ANXA8: variants seen among roughly 807,000 people sequenced by gnomAD.
The protein encoded by ANXA8 is annexin A8, also known as VAC-beta.
In ANXA8, 9 loss-of-function variants were observed where a neutral mutation model predicts 26.8. The ratio of observed to expected loss-of-function variants is 0.34; its 90% CI spans 0.20 to 0.59. The LOEUF is 0.59. ANXA8 is among the 20% of genes least tolerant of loss of function. ANXA8 has a pLI of 0.84. For missense variants in ANXA8, 83 were observed against 238.5 expected (o/e 0.35, Z 4.29); for synonymous variants, 39 against 94.8 (o/e 0.41, Z 3.42).
chr10:47,894,761 A>G, the ANXA8 span, among the ~76,000 whole-genome samples: 1 of 152,204 alleles, frequency 6.6e-6, no homozygotes, highest in Non-Finnish European at 1.5e-5. Flanking sequence ...AACACACCAC[A>G]TATACACACC....
chr10:47,511,030 G>A, the ANXA8 span, among the ~76,000 whole-genome samples: 3 of 126,384 alleles, frequency 2.4e-5, no homozygotes, highest in African/African-American at 6.3e-5. Context: ...TGCAAGCTCC[G>A]CCTCCCGGGT....
chr10:47,609,096 A>G, the ANXA8 span, among the ~76,000 whole-genome samples: 1 of 129,770 alleles, frequency 7.7e-6, no homozygotes, highest in Non-Finnish European at 1.6e-5. Context: ...GTAGGAAAAA[A>G]TGTAAAATGA....
At chr10:47,535,060 C>T in the ANXA8 span, among the ~76,000 whole-genome samples, 1 of 115,620 alleles carries the variant, frequency 8.6e-6, no homozygotes, top group Admixed American at 8.6e-5. Context: ...CTGCAGCCTC[C>T]GCCTCCCAGG....
chr10:47,733,150 T>A, the ANXA8 span, among the ~76,000 whole-genome samples: 7 of 67,580 alleles, frequency 1.0e-4, no homozygotes, highest in African/African-American at 3.7e-4. Flanking sequence ...CTAATCTTTC[T>A]TTCTTTCTTT....
At chr10:47,498,865 GC>G in the ANXA8 span, among the ~76,000 whole-genome samples, 1 of 110,776 alleles carries the variant, frequency 9.0e-6, no homozygotes, top group African/African-American at 4.5e-5. Context: ...TCTTTGGGAG[GC>G]CAAGGTGGGC....
At chr10:47,584,039 G>A in the ANXA8 span, among the ~76,000 whole-genome samples, 1 of 140,688 alleles carries the variant, frequency 7.1e-6, no homozygotes, top group Non-Finnish European at 1.5e-5. Flanking sequence ...AATTAGCCGA[G>A]TGTGGTGGCC....
At chr10:47,559,654 C>T in the ANXA8 span, among the ~76,000 whole-genome samples, 1 of 151,836 alleles carries the variant, frequency 6.6e-6, no homozygotes, top group African/African-American at 2.4e-5. Context: ...TTCAGATTAA[C>T]AGTTTAGGTA....
chr10:47,504,887 A>T, the ANXA8 span, among the ~76,000 whole-genome samples: 4 of 88,068 alleles, frequency 4.5e-5, no homozygotes, highest in Admixed American at 3.4e-4. Context: ...ACCAAGTTTT[A>T]CTCTTGTTGC....
the ANXA8 span, among the ~76,000 whole-genome samples, chr10:47,695,778 T>C: frequency 1.3e-5 from 2 of 151,936 alleles, no homozygotes; most frequent in African/African-American, 4.8e-5. Flanking sequence ...CTCACACGTT[T>C]TGCTCTACCT....
the ANXA8 span, among the ~76,000 whole-genome samples, chr10:47,670,818 C>CT: frequency 8.6e-5 from 13 of 150,800 alleles, no homozygotes; most frequent in African/African-American, 3.2e-4. Flanking sequence ...ATGTTTTTTA[C>CT]TTTTTTATTT....
At chr10:47,687,944 A>T in the ANXA8 span, among the ~76,000 whole-genome samples, 2 of 151,786 alleles carry the variant, frequency 1.3e-5, 1 homozygote, top group Non-Finnish European at 2.9e-5. Context: ...TACTAAAAAA[A>T]CTAAAATTAG....
At chr10:47,750,704 C>T in the ANXA8 span, among the ~76,000 whole-genome samples, 92 of 128,184 alleles carry the variant, frequency 7.2e-4, no homozygotes, top group African/African-American at 2.3e-3. Context: ...TTCCAAAGTG[C>T]GGGGATAATA....
chr10:47,598,272 TA>T, the ANXA8 span, among the ~76,000 whole-genome samples: 1 of 129,886 alleles, frequency 7.7e-6, no homozygotes, highest in African/African-American at 2.8e-5. Context: ...CAAGATTGAT[TA>T]AAGACTTAAA....
the ANXA8 span, among the ~76,000 whole-genome samples, chr10:47,654,157 A>T: frequency 6.6e-6 from 1 of 151,170 alleles, no homozygotes; most frequent in Non-Finnish European, 1.5e-5. Context: ...TTGTAAGAGG[A>T]GTTTCAGTGT....
the ANXA8 span, among the ~76,000 whole-genome samples, chr10:47,549,629 GA>G: frequency 7.0e-6 from 1 of 143,512 alleles, no homozygotes; most frequent in Non-Finnish European, 1.5e-5. Context: ...TCAAAACAGG[GA>G]AAATTCTGAC....
chr10:47,976,568 C>CAT, the ANXA8 span, among the ~76,000 whole-genome samples: 1 of 147,072 alleles, frequency 6.8e-6, no homozygotes, highest in African/African-American at 2.5e-5. Flanking sequence ...CACACACACA[C>CAT]ACACAATTAA....
chr10:47,560,652 T>C, the ANXA8 span, among the ~76,000 whole-genome samples: 2 of 151,984 alleles, frequency 1.3e-5, no homozygotes, highest in East Asian at 3.9e-4. Flanking sequence ...ACGCCCATCC[T>C]AGGAGGGTGG....
chr10:47,759,731 CA>C, the ANXA8 span: 2 of 934,746 alleles, frequency 2.1e-6, no homozygotes, highest in Admixed American at 2.8e-5. Flanking sequence ...AGAGCTTCAC[CA>C]GGGGGCTGCA....
chr10:47,686,225 C>CT, the ANXA8 span, among the ~76,000 whole-genome samples: 1,297 of 122,898 alleles, frequency 0.011, 6 homozygotes, highest in African/African-American at 0.021. Flanking sequence ...GCTCCTATCA[C>CT]TTTTTTTTTT....
Sources: gnomAD v4.1 joint callset for allele counts (sites outside exome capture counted in the v4.1 genomes callset) on GRCh38, gnomAD v4.1.1 for gene constraint, MANE v1.5 for transcripts, NCBI Gene and HGNC (gene_info 2026-07-23, HGNC 2026-07-21) for gene names.